Variants in OPCML observed in about 807,000 individuals in gnomAD.
The protein encoded by OPCML is opioid-binding protein/cell adhesion molecule.
A neutral mutation model predicts 37.8 loss-of-function variants in OPCML; 13 were observed. That is an observed-to-expected ratio of 0.34 (90% CI 0.22 to 0.55). The LOEUF is 0.55. Among genes scored for constraint, OPCML ranks in the 20% least tolerant of loss-of-function variants. The pLI, the probability that OPCML is intolerant of heterozygous loss-of-function variation, is 0.91. For missense variants in OPCML, 341 were observed against 435.6 expected (o/e 0.78, Z 1.93); for synonymous variants, 176 against 168.8 (o/e 1.04, Z -0.33).
chr11:132,486,054 T>G (rs1174261813), intron 4 of OPCML, among the ~76,000 whole-genome samples: 1 of 152,196 alleles, frequency 6.6e-6, no homozygotes, highest in Non-Finnish European at 1.5e-5. Flanking sequence ...TTGTCAACAC[T>G]TAGTATTGTC....
chr11:132,809,260 G>A lies in OPCML; in HGVS notation c.146+133666C>T, dbSNP rs548119970. Among the ~76,000 whole-genome samples the A allele has an allele frequency of 1.6e-3, 237 of 152,330 alleles. 1 individual carries two copies. Among genetic ancestry groups the A allele is most frequent in the African/African-American group, 5.4e-3 (226 of 41,570 alleles). ...TTCCCTGGGCCACTATGATCGTGGTGTTAACAGCAGGGAAATAGCGAAATG... is the reference window on the plus strand; with the variant it reads ...TTCCCTGGGCCACTATGATCGTGGTATTAACAGCAGGGAAATAGCGAAATG... On this transcript the variant is annotated intron_variant, in intron 2 of 7. Transcript: ENST00000524381.
intron 3 of OPCML, among the ~76,000 whole-genome samples, chr11:132,609,937 G>T (rs1938540633): frequency 6.6e-6 from 1 of 152,164 alleles, no homozygotes; most frequent in Non-Finnish European, 1.5e-5. Flanking sequence ...AATCGCAGAA[G>T]TTATTCTTTT....
chr11:132,453,596 T>G (rs2096074001), intron 4 of OPCML, among the ~76,000 whole-genome samples: 1 of 152,224 alleles, frequency 6.6e-6, no homozygotes, highest in African/African-American at 2.4e-5. Flanking sequence ...TAAGACTGAT[T>G]ACTCATAACT....
At chr11:133,036,652 C>T (rs889246114) in intron 1 of OPCML, among the ~76,000 whole-genome samples, 4 of 152,122 alleles carry the variant, frequency 2.6e-5, no homozygotes, top group African/African-American at 9.7e-5. Context: ...GCATATGAAG[C>T]TGAGAAAAAT....
intron 2 of OPCML, among the ~76,000 whole-genome samples, chr11:132,856,723 G>A (rs1195837879): frequency 6.6e-6 from 1 of 152,168 alleles, no homozygotes; most frequent in Admixed American, 6.5e-5. Context: ...ACACCAGTAA[G>A]CACACTGTGC....
intron 1 of OPCML, among the ~76,000 whole-genome samples, chr11:133,102,424 T>C (rs1005432470): frequency 6.6e-6 from 1 of 152,182 alleles, no homozygotes; most frequent in African/African-American, 2.4e-5. Context: ...CTCTTAAACA[T>C]CTACTATTCT....
intron 2 of OPCML, among the ~76,000 whole-genome samples, chr11:132,801,348 G>T (rs77024575): frequency 0.074 from 11,272 of 152,028 alleles, 625 homozygotes; most frequent in Middle Eastern, 0.16. Flanking sequence ...TTTTATTTTA[G>T]AAATAATTTT....
At chr11:133,050,026 C>A (rs1307216261) in intron 1 of OPCML, among the ~76,000 whole-genome samples, 1 of 152,210 alleles carries the variant, frequency 6.6e-6, no homozygotes, top group African/African-American at 2.4e-5. Context: ...GGGAGATTGT[C>A]TTCTGTGGGC....
At chr11:132,684,108 A>ACAATAAT (rs1943066511) in intron 2 of OPCML, among the ~76,000 whole-genome samples, 1 of 152,208 alleles carries the variant, frequency 6.6e-6, no homozygotes, top group African/African-American at 2.4e-5. Flanking sequence ...TCTAGGCTAC[A>ACAATAAT]CGATAATCGC....
At chr11:132,964,921 G>A (rs1946180544) in intron 1 of OPCML, among the ~76,000 whole-genome samples, 1 of 152,178 alleles carries the variant, frequency 6.6e-6, no homozygotes, top group Admixed American at 6.5e-5. Flanking sequence ...GGTGGATTCA[G>A]ACCTAGGTCA....
chr11:133,312,656 G>T (rs1426410252), intron 1 of OPCML, among the ~76,000 whole-genome samples: 1 of 152,132 alleles, frequency 6.6e-6, no homozygotes, highest in Admixed American at 6.6e-5. Flanking sequence ...AATACTAAAG[G>T]GCTTGAAGCC....
At chr11:132,878,863 G>A (rs1429673638) in intron 2 of OPCML, among the ~76,000 whole-genome samples, 1 of 152,126 alleles carries the variant, frequency 6.6e-6, no homozygotes, top group East Asian at 1.9e-4. Flanking sequence ...ATTATGATGG[G>A]TACGTCATAG....
intron 2 of OPCML, among the ~76,000 whole-genome samples, chr11:132,933,230 T>C (rs773277205): frequency 7.9e-5 from 12 of 152,150 alleles, no homozygotes; most frequent in Non-Finnish European, 1.8e-4. Flanking sequence ...AGATGGAATG[T>C]TTAGAGATGA....
chr11:133,341,554 C>T (rs1943870542), intron 1 of OPCML, among the ~76,000 whole-genome samples: 1 of 152,164 alleles, frequency 6.6e-6, no homozygotes, highest in Admixed American at 6.5e-5. Flanking sequence ...TGGGTGCATG[C>T]TTGTAGGCAA....
intron 2 of OPCML, among the ~76,000 whole-genome samples, chr11:132,804,220 A>G (rs1198063896): frequency 6.6e-6 from 1 of 151,950 alleles, no homozygotes; most frequent in African/African-American, 2.4e-5. Flanking sequence ...GAGCCCCACA[A>G]TTCGCCGGGT....
chr11:133,030,868 T>G (rs1035756800), intron 1 of OPCML, among the ~76,000 whole-genome samples: 1 of 151,548 alleles, frequency 6.6e-6, no homozygotes, highest in Non-Finnish European at 1.5e-5. Flanking sequence ...TCCTTTGCAC[T>G]GTGCTCAGAG....
At chr11:133,343,756 GA>G in intron 1 of OPCML, among the ~76,000 whole-genome samples, 1 of 152,068 alleles carries the variant, frequency 6.6e-6, no homozygotes. Context: ...TTACAAATGG[GA>G]AAAAAGAGGC....
chr11:132,453,757 A>G (rs965131617), intron 4 of OPCML, among the ~76,000 whole-genome samples: 1 of 152,192 alleles, frequency 6.6e-6, no homozygotes, highest in Admixed American at 6.5e-5. Flanking sequence ...TGCTCAAAGA[A>G]GCCTTGAAAT....
rs552540684 is a variant in OPCML at position 133,000,367 on chromosome 11, C to G, written c.62-57357G>C. Among the ~76,000 whole-genome samples the G allele has an allele frequency of 1.6e-4, 24 of 152,314 alleles. No homozygotes were observed. The South Asian group carries it at 5.0e-3, about 32-fold the overall frequency. On this transcript the variant is annotated intron_variant, in intron 1 of 7. Transcript: ENST00000524381. ...TCCTCAAGCGTTCAGCCTGCCTCGGCCTCTCAAAGTGCTGGGATTACAGGC... is the reference window on the plus strand; with the variant it reads ...TCCTCAAGCGTTCAGCCTGCCTCGGGCTCTCAAAGTGCTGGGATTACAGGC...
Sources: gnomAD v4.1 joint callset for allele counts (sites outside exome capture counted in the v4.1 genomes callset) on GRCh38, gnomAD v4.1.1 for gene constraint, MANE v1.5 for transcripts, NCBI Gene and HGNC (gene_info 2026-07-23, HGNC 2026-07-21) for gene names.